The following TASP1 variants were observed in gnomAD, a reference collection of about 807,000 sequenced individuals.
TASP1 encodes the protein threonine aspartase 1.
TASP1 carries 16 observed loss-of-function variants against 56.6 expected under a neutral mutation model. That is an observed-to-expected ratio of 0.28 (90% CI 0.19 to 0.43). The LOEUF (loss-of-function observed/expected upper bound fraction) is 0.43, where lower values mean the gene tolerates loss of function less well. TASP1 is among the 20% of genes least tolerant of loss of function. The pLI is 1.00. For synonymous variants in TASP1, 179 were observed against 184.2 expected, an observed-to-expected ratio of 0.97 and a Z score of 0.23; for missense variants, 393 against 511.6, an observed-to-expected ratio of 0.77 and a Z score of 2.24.
chr20:13,237,249 A>G, the TASP1 span, among the ~76,000 whole-genome samples: 113 of 152,348 alleles, frequency 7.4e-4, no homozygotes, highest in African/African-American at 2.6e-3. Context: ...GTATGTGCCC[A>G]ACAGAAATCT....
At chr20:13,144,835 C>T in the TASP1 span, among the ~76,000 whole-genome samples, 2 of 152,040 alleles carry the variant, frequency 1.3e-5, no homozygotes, top group African/African-American at 4.8e-5. Context: ...AGTGCAGTGG[C>T]GCAATCTTGG....
chr20:13,517,160 G>C (rs947487964), intron 10 of TASP1, among the ~76,000 whole-genome samples: 3 of 152,080 alleles, frequency 2.0e-5, no homozygotes, highest in African/African-American at 7.2e-5. Context: ...TAGCTAATAT[G>C]TCAACATATT....
chr20:13,329,976 A>G, the TASP1 span, among the ~76,000 whole-genome samples: 1 of 151,610 alleles, frequency 6.6e-6, no homozygotes, highest in African/African-American at 2.4e-5. Flanking sequence ...TTTTTAATCA[A>G]GTCATAGTCT....
At chr20:13,343,475 G>C in the TASP1 span, among the ~76,000 whole-genome samples, 1 of 152,206 alleles carries the variant, frequency 6.6e-6, no homozygotes, top group Non-Finnish European at 1.5e-5. Context: ...CAGACAGAGG[G>C]ACAAGGAATA....
chr20:13,299,520 G>A, the TASP1 span: 1 of 1,460,334 alleles, frequency 6.8e-7, no homozygotes, highest in African/African-American at 1.4e-5. This position sits in a 1 kb window ranked among gnomAD's most constrained non-coding sequence, Gnocchi z 5.8. Context: ...GTGCTGCACT[G>A]ACGTGCCGAC....
the TASP1 span, among the ~76,000 whole-genome samples, chr20:13,119,073 T>C: frequency 6.6e-6 from 1 of 152,226 alleles, no homozygotes; most frequent in Non-Finnish European, 1.5e-5. Flanking sequence ...AAAGGTTAAA[T>C]GTTCCCTTCC....
intron 10 of TASP1, among the ~76,000 whole-genome samples, chr20:13,511,921 C>A (rs11698691): frequency 0.23 from 35,277 of 151,846 alleles, 4,203 homozygotes; most frequent in Middle Eastern, 0.3. Flanking sequence ...CATGTCCCTA[C>A]AAAGGACATG....
At chr20:13,243,821 T>C in the TASP1 span, among the ~76,000 whole-genome samples, 2 of 152,214 alleles carry the variant, frequency 1.3e-5, no homozygotes, top group African/African-American at 2.4e-5. Flanking sequence ...CCATTTGATA[T>C]GGAATGACAA....
rs566597609 is a variant in TASP1 at position 13,556,508 on chromosome 20, G to A, written c.675+2500C>T. Among the ~76,000 whole-genome samples the A allele has an allele frequency of 2.6e-5, 4 of 152,200 alleles. No homozygotes were observed. In the South Asian group the frequency reaches 8.3e-4, roughly 32 times the overall value. On this transcript the variant is annotated intron_variant, in intron 8 of 13. Coordinates refer to ENST00000337743, the MANE Select transcript of TASP1 (RefSeq NM_017714.3). Reference sequence around the variant, plus strand: ...GCCATTATTCTTGAATAAAATTCAAGAATAAAATAAATAAAATTCTTGAAT... The same window carrying A: ...GCCATTATTCTTGAATAAAATTCAAAAATAAAATAAATAAAATTCTTGAAT...
the TASP1 span, among the ~76,000 whole-genome samples, chr20:13,200,023 A>G: frequency 6.6e-6 from 1 of 152,242 alleles, no homozygotes; most frequent in African/African-American, 2.4e-5. Flanking sequence ...CCAAATAGAT[A>G]AAGTCACAAG....
At chr20:13,436,445 C>A (rs1046699615) in intron 11 of TASP1, among the ~76,000 whole-genome samples, 2 of 151,970 alleles carry the variant, frequency 1.3e-5, no homozygotes, top group African/African-American at 4.8e-5. Context: ...TTCTCTAGCT[C>A]TTTACAGAAA....
chr20:13,266,819 C>T, the TASP1 span, among the ~76,000 whole-genome samples: 2 of 152,198 alleles, frequency 1.3e-5, no homozygotes, highest in Non-Finnish European at 2.9e-5. Context: ...AGATCCACCC[C>T]TCTTGAAAAT....
chr20:13,442,533 C>T (rs1006683614), intron 11 of TASP1, among the ~76,000 whole-genome samples: 2 of 152,038 alleles, frequency 1.3e-5, no homozygotes, highest in African/African-American at 2.4e-5. Context: ...ATCCCAGCTA[C>T]TCAGGAAGCT....
the TASP1 span, among the ~76,000 whole-genome samples, chr20:13,313,569 C>T: frequency 2.0e-5 from 3 of 152,278 alleles, no homozygotes; most frequent in East Asian, 5.8e-4. Flanking sequence ...CCTATTCGGG[C>T]TCGGGAGACT....
chr20:13,549,127 A>G (rs975950569), intron 8 of TASP1, among the ~76,000 whole-genome samples: 2 of 152,148 alleles, frequency 1.3e-5, no homozygotes, highest in Non-Finnish European at 2.9e-5. Context: ...GAGAGGTTCC[A>G]TGTTTGCCCA....
At chr20:13,307,089 C>T in the TASP1 span, among the ~76,000 whole-genome samples, 2 of 152,322 alleles carry the variant, frequency 1.3e-5, no homozygotes, top group African/African-American at 2.4e-5. Flanking sequence ...GTTCACACTA[C>T]TCACCAGCAG....
the TASP1 span, among the ~76,000 whole-genome samples, chr20:13,187,675 G>C: frequency 6.7e-6 from 1 of 148,894 alleles, no homozygotes; most frequent in Non-Finnish European, 1.5e-5. Flanking sequence ...TTGAACCTGG[G>C]AGGCGGAGGT....
chr20:13,117,182 T>A, the TASP1 span, among the ~76,000 whole-genome samples: 1 of 152,214 alleles, frequency 6.6e-6, no homozygotes, highest in Non-Finnish European at 1.5e-5. Flanking sequence ...ATATCTAGAA[T>A]CCAGAATGGT....
At chr20:13,243,271 C>T in the TASP1 span, among the ~76,000 whole-genome samples, 1 of 152,178 alleles carries the variant, frequency 6.6e-6, no homozygotes, top group Non-Finnish European at 1.5e-5. Flanking sequence ...CAGTTCCATG[C>T]AGTCATTCAG....
Sources: allele counts gnomAD v4.1 joint callset (sites outside exome capture counted in the v4.1 genomes callset), GRCh38; gene constraint gnomAD v4.1.1; non-coding constraint Gnocchi (gnomAD v3.1); transcripts MANE v1.5; gene names NCBI Gene and HGNC (gene_info 2026-07-23, HGNC 2026-07-21).